ASCC3: variants seen among roughly 807,000 people sequenced by gnomAD.
The protein encoded by ASCC3 is activating signal cointegrator 1 complex subunit 3.
Under a neutral mutation model 256.3 loss-of-function variants are expected in ASCC3, and 158 were observed. The observed-to-expected ratio is 0.62, with a 90% CI of 0.54 to 0.70. The LOEUF (loss-of-function observed/expected upper bound fraction) is 0.70, where lower values mean the gene tolerates loss of function less well. Among genes scored for constraint, ASCC3 ranks in the 30% least tolerant of loss-of-function variants. ASCC3 has a pLI of 0.00. For missense variants in ASCC3, 2,259 were observed against 2,626.0 expected, an observed-to-expected ratio of 0.86 and a Z score of 3.05; for synonymous variants, 948 against 883.4, an observed-to-expected ratio of 1.07 and a Z score of -1.30.
At chr6:100,833,286 C>T (rs1336356898) in intron 4 of ASCC3, among the ~76,000 whole-genome samples, 3 of 151,960 alleles carry the variant, frequency 2.0e-5, no homozygotes, top group Non-Finnish European at 4.4e-5. Flanking sequence ...TCTGTGGTTC[C>T]CAAGGCTACA....
intron 13 of ASCC3, 117 bp downstream of exon 13, chr6:100,715,345 T>C (rs558541371): frequency 4.5e-5 from 37 of 814,368 alleles, no homozygotes; most frequent in African/African-American, 4.1e-4. Context: ...CTCTGAGTCA[T>C]TGCCTCAGAA....
In ASCC3 at chr6:100,853,655, A is replaced by G. The variant is rs911680006; in HGVS notation, c.242-4948T>C. On this transcript the variant is annotated intron_variant, in intron 3 of 41. Coordinates refer to ENST00000369162, the MANE Select transcript of ASCC3 (RefSeq NM_006828.4). ...AATTTTTAAATTTTTTTGTAGAGTC[A>G]TTTCACAATGTGGCCCAGGCTGGTC... 5.3e-5 allele frequency among the ~76,000 whole-genome samples: 8 copies of G among 152,090 alleles called. No homozygotes were observed. In the East Asian group the frequency reaches 1.4e-3, roughly 26 times the overall value.
At chr6:100,650,964 A>G (rs1775639939) in intron 19 of ASCC3, among the ~76,000 whole-genome samples, 1 of 151,840 alleles carries the variant, frequency 6.6e-6, no homozygotes. Flanking sequence ...TGACATATAA[A>G]AATTTGATAT....
chr6:100,762,657 G>A (rs1242702668), intron 10 of ASCC3, among the ~76,000 whole-genome samples: 2 of 152,044 alleles, frequency 1.3e-5, no homozygotes, highest in East Asian at 3.9e-4. Flanking sequence ...TCTTGTAAAA[G>A]GAAATTTTAT....
intron 36 of ASCC3, among the ~76,000 whole-genome samples, chr6:100,549,854 A>G (rs949042780): frequency 6.6e-6 from 1 of 151,972 alleles, no homozygotes; most frequent in Non-Finnish European, 1.5e-5. Context: ...GATGTGTTGG[A>G]AAGTTTCCCA....
In ASCC3 at chr6:100,643,074, G is replaced by A. The variant is rs994966915; in HGVS notation, c.3733-325C>T. Among the ~76,000 whole-genome samples the A allele has an allele frequency of 1.1e-3, 162 of 151,980 alleles. 1 individual carries two copies. Among genetic ancestry groups the A allele is most frequent in the Admixed American group, 2.4e-3 (36 of 15,268 alleles). On this transcript the variant is annotated intron_variant, in intron 23 of 41. Coordinates refer to ENST00000369162, the MANE Select transcript of ASCC3 (RefSeq NM_006828.4). ...ATAACTTCATGATTTTTACCTTACC[G>A]AATTACCATATTGTTTACTTAATAT... is the stretch of plus-strand genomic sequence containing the variant.
chr6:100,687,313 T>C (rs1468972063), intron 13 of ASCC3, among the ~76,000 whole-genome samples: 2 of 152,096 alleles, frequency 1.3e-5, no homozygotes, highest in Non-Finnish European at 2.9e-5. Flanking sequence ...TTTTTCTTTG[T>C]ATGTCTTGTA....
chr6:100,805,614 G>T, intron 5 of ASCC3, 146 bp downstream of exon 5: 3 of 1,011,330 alleles, frequency 3.0e-6, no homozygotes, highest in Non-Finnish European at 4.2e-6. Flanking sequence ...TTCATAATAT[G>T]CCATATCTAA....
chr6:100,776,664 A>G (rs1782205901), intron 8 of ASCC3, among the ~76,000 whole-genome samples: 1 of 152,002 alleles, frequency 6.6e-6, no homozygotes, highest in African/African-American at 2.4e-5. Context: ...TTAAAAGTAA[A>G]CTGGATGATA....
chr6:100,754,112 C>A (rs1013438135), intron 10 of ASCC3, among the ~76,000 whole-genome samples: 4 of 152,042 alleles, frequency 2.6e-5, no homozygotes, highest in Admixed American at 6.6e-5. Context: ...AAACATTTTG[C>A]AGGCTACTAC....
At chr6:100,842,259 A>G (rs927037879) in intron 4 of ASCC3, among the ~76,000 whole-genome samples, 1 of 152,188 alleles carries the variant, frequency 6.6e-6, no homozygotes, top group African/African-American at 2.4e-5. Flanking sequence ...ACCCTATTCT[A>G]GTTACAAAAA....
At chr6:100,684,235 T>C (rs890860967) in intron 13 of ASCC3, among the ~76,000 whole-genome samples, 1 of 152,236 alleles carries the variant, frequency 6.6e-6, no homozygotes, top group Non-Finnish European at 1.5e-5. Flanking sequence ...CTTCAATTCT[T>C]ATTTCCCCCA....
chr6:100,823,336 C>G (rs918821017), intron 4 of ASCC3, among the ~76,000 whole-genome samples: 1 of 152,082 alleles, frequency 6.6e-6, no homozygotes, highest in Non-Finnish European at 1.5e-5. Flanking sequence ...AAATTAAAAA[C>G]ACAACAACAA....
chr6:100,558,480 A>G lies in ASCC3; in HGVS notation c.5551-18093T>C, dbSNP rs1399440045. 3.3e-5 allele frequency among the ~76,000 whole-genome samples: 5 copies of G among 152,260 alleles called. No individual in the cohort carries two copies. In the South Asian group the frequency reaches 8.3e-4, roughly 25 times the overall value. On this transcript the variant is annotated intron_variant, in intron 36 of 41. Coordinates refer to ENST00000369162, the MANE Select transcript of ASCC3 (RefSeq NM_006828.4). The stretch of plus-strand genomic sequence containing the variant: ...GTTCTTTATGATGATAGAGGGTCAA[A>G]TGCTGCTACAGAATTAATCACATGG...
At chr6:100,598,633 A>C (rs2114790406) in intron 34 of ASCC3, among the ~76,000 whole-genome samples, 1 of 152,184 alleles carries the variant, frequency 6.6e-6, no homozygotes, top group Non-Finnish European at 1.5e-5. Context: ...AGGGAGTCAT[A>C]CCTACCCAGC....
chr6:100,794,941 T>C (rs1436097144), intron 8 of ASCC3, among the ~76,000 whole-genome samples: 2 of 152,112 alleles, frequency 1.3e-5, no homozygotes, highest in African/African-American at 4.8e-5. Flanking sequence ...GGTTCTGTCT[T>C]AGCATCTTTC....
rs1264432614 is a variant in ASCC3 at position 100,767,281 on chromosome 6, G to A, written c.1460C>T (p.Thr487Ile). ...CATGTTCTCATTGGTGTTGTAGGCA[G>A]TCTCAAACACTATTGACTGGATTCT... The part of the protein sequence containing the change: ...LNRIQSIVFE[T>I]AYNTNENMLI... The change falls in exon 9 of 42, where the codon ACT (threonine) becomes ATT (isoleucine). Residue 487 changes from threonine (T) to isoleucine (I), a missense_variant. Coordinates refer to ENST00000369162, the MANE Select transcript of ASCC3 (RefSeq NM_006828.4). 6.2e-7 allele frequency: 1 copy of A among 1,613,946 alleles called. No homozygotes were observed. Among genetic ancestry groups the A allele is most frequent in the Admixed American group, 1.7e-5 (1 of 60,010 alleles).
At chr6:100,785,172 C>T (rs1562295207) in intron 8 of ASCC3, among the ~76,000 whole-genome samples, 1 of 152,166 alleles carries the variant, frequency 6.6e-6, no homozygotes, top group East Asian at 1.9e-4. Context: ...GTCTTAGTAA[C>T]AAAGCACCTC....
intron 34 of ASCC3, among the ~76,000 whole-genome samples, chr6:100,591,952 C>T (rs1382158562): frequency 6.6e-6 from 1 of 151,598 alleles, no homozygotes. Flanking sequence ...AAATATTTAT[C>T]TTATTTTATT....
Sources: gnomAD v4.1 joint callset for allele counts (sites outside exome capture counted in the v4.1 genomes callset) on GRCh38, gnomAD v4.1.1 for gene constraint, MANE v1.5 for transcripts, NCBI Gene and HGNC (gene_info 2026-07-23, HGNC 2026-07-21) for gene names.